NRXN3: variants seen among roughly 807,000 people sequenced by gnomAD.
The protein encoded by NRXN3 is neurexin III.
Under a neutral mutation model 137.6 loss-of-function variants are expected in NRXN3, and 32 were observed. The ratio of observed to expected loss-of-function variants is 0.23; its 90% CI spans 0.18 to 0.31. The LOEUF is 0.31. Among genes scored for constraint, NRXN3 ranks in the 10% least tolerant of loss-of-function variants. NRXN3 has a pLI of 1.00. For synonymous variants in NRXN3, 798 were observed against 784.5 expected (o/e 1.02, Z -0.29); for missense variants, 1,574 against 2,062.5 (o/e 0.76, Z 4.59).
chr14:78,969,823 G>A (rs1273196024), intron 14 of NRXN3, among the ~76,000 whole-genome samples: 2 of 127,538 alleles, frequency 1.6e-5, no homozygotes, highest in Admixed American at 8.3e-5. Context: ...TAGTGTGTGT[G>A]TGTGTGTGTG....
At chr14:79,226,670 G>A (rs7151352) in intron 15 of NRXN3, among the ~76,000 whole-genome samples, 4,201 of 152,070 alleles carry the variant, frequency 0.028, 140 homozygotes, top group South Asian at 0.086. Flanking sequence ...AAAGCCTCAG[G>A]GTAAACAGGC....
intron 4 of NRXN3, among the ~76,000 whole-genome samples, chr14:78,562,453 G>C (rs1209511548): frequency 7.0e-6 from 1 of 143,744 alleles, no homozygotes; most frequent in African/African-American, 2.6e-5. Context: ...TCTGGAAATA[G>C]CCCTTAACTG....
At chr14:79,191,721 G>A (rs2064347764) in intron 15 of NRXN3, among the ~76,000 whole-genome samples, 1 of 152,118 alleles carries the variant, frequency 6.6e-6, no homozygotes, top group Non-Finnish European at 1.5e-5. Context: ...GACTTACTAA[G>A]ACTTGAAGTT....
At chr14:78,496,870 A>G (rs1265497827) in intron 4 of NRXN3, among the ~76,000 whole-genome samples, 2 of 152,078 alleles carry the variant, frequency 1.3e-5, no homozygotes, top group Non-Finnish European at 2.9e-5. Context: ...TGGCCCCTGA[A>G]GGACTCCAAC....
At chr14:79,695,433 G>A (rs565359291) in intron 18 of NRXN3, among the ~76,000 whole-genome samples, 1 of 152,008 alleles carries the variant, frequency 6.6e-6, no homozygotes, top group South Asian at 2.1e-4. Flanking sequence ...TTCGCCAGCA[G>A]TTGTGTGCAT....
chr14:79,164,256 C>T (rs2061081580), intron 15 of NRXN3, among the ~76,000 whole-genome samples: 1 of 151,962 alleles, frequency 6.6e-6, no homozygotes, highest in African/African-American at 2.4e-5. Context: ...TCTGATAAAG[C>T]AGGATCAAGC....
chr14:79,353,546 A>C (rs2079358111), intron 15 of NRXN3, among the ~76,000 whole-genome samples: 2 of 152,136 alleles, frequency 1.3e-5, no homozygotes, highest in Non-Finnish European at 2.9e-5. Context: ...TAAAAACGAA[A>C]AAAATGAAGT....
intron 1 of NRXN3, among the ~76,000 whole-genome samples, chr14:78,176,928 C>T (rs1019524739): frequency 4.0e-5 from 6 of 151,874 alleles, no homozygotes; most frequent in South Asian, 2.1e-4. Context: ...TTTCATGGCT[C>T]GAAGAAGACT....
chr14:79,698,982 T>C (rs1425880349), intron 19 of NRXN3, among the ~76,000 whole-genome samples: 2 of 152,044 alleles, frequency 1.3e-5, no homozygotes, highest in African/African-American at 4.8e-5. Flanking sequence ...GGTAAGTGTA[T>C]TATCTGTTGC....
chr14:79,354,562 G>C (rs2093350647), intron 15 of NRXN3, among the ~76,000 whole-genome samples: 1 of 152,126 alleles, frequency 6.6e-6, no homozygotes, highest in South Asian at 2.1e-4. Flanking sequence ...ATGCCTGTAT[G>C]CATGTACATT....
At chr14:78,188,563 G>A (rs1269824327) in intron 1 of NRXN3, among the ~76,000 whole-genome samples, 1 of 152,232 alleles carries the variant, frequency 6.6e-6, no homozygotes, top group Non-Finnish European at 1.5e-5. Flanking sequence ...TGCAGATCTT[G>A]TAAGTAGGTG....
At chr14:78,481,199 T>C (rs1417919075) in intron 4 of NRXN3, among the ~76,000 whole-genome samples, 5 of 152,024 alleles carry the variant, frequency 3.3e-5, no homozygotes, top group Non-Finnish European at 7.4e-5. Context: ...GGGAGAGAGG[T>C]CTGGACAAAA....
intron 15 of NRXN3, among the ~76,000 whole-genome samples, chr14:79,308,114 TACTC>T (rs1348416108): frequency 6.6e-6 from 1 of 152,148 alleles, no homozygotes; most frequent in Non-Finnish European, 1.5e-5. Flanking sequence ...CATTTTCACT[TACTC>T]ACCTCTTTAA....
At chr14:79,628,812 G>C (rs1432133925) in intron 16 of NRXN3, among the ~76,000 whole-genome samples, 2 of 152,212 alleles carry the variant, frequency 1.3e-5, no homozygotes, top group Admixed American at 1.3e-4. Flanking sequence ...TCAGAAAACT[G>C]TACGACGTGA....
intron 20 of NRXN3, among the ~76,000 whole-genome samples, chr14:79,859,691 C>T (rs1463531066): frequency 6.6e-6 from 1 of 152,124 alleles, no homozygotes; most frequent in Non-Finnish European, 1.5e-5. Flanking sequence ...ACTGATTATA[C>T]TATCACAGCA....
chr14:78,866,794 CTTTTTTTTTT>C (rs1208179961), intron 10 of NRXN3, among the ~76,000 whole-genome samples: 1 of 119,120 alleles, frequency 8.4e-6, no homozygotes, highest in South Asian at 2.9e-4. Context: ...TTACCTTCAT[CTTTTTTTTTT>C]TTTTTTTTTT....
chr14:79,775,597 G>A lies in NRXN3; in HGVS notation c.4015-29515G>A, dbSNP rs1463806978. 4.1e-5 allele frequency among the ~76,000 whole-genome samples: 6 copies of A among 145,804 alleles called. No individual in the cohort carries two copies. In the Admixed American group the frequency reaches 4.1e-4, roughly 10 times the overall value. On this transcript the variant is annotated intron_variant, in intron 19 of 20. Coordinates refer to ENST00000335750, the MANE Select transcript of NRXN3 (RefSeq NM_001330195.2). ...AAGGAGAATCCAGTAGGAATTCATT[G>A]AGTAAGCCAAGGTTACAATCTGCTG...
In NRXN3 at chr14:79,154,581, C is replaced by A. The variant is rs566387520; in HGVS notation, c.3262+166440C>A. 7.2e-5 allele frequency among the ~76,000 whole-genome samples: 11 copies of A among 151,930 alleles called. No individual in the cohort carries two copies. In the East Asian group the frequency reaches 2.1e-3, roughly 30 times the overall value. On this transcript the variant is annotated intron_variant, in intron 15 of 20. Transcript: ENST00000335750. The stretch of plus-strand genomic sequence containing the variant: ...TTCACACATTTATATACCTGCCAGG[C>A]TATTGTAGGTATTTTGATATGTGGC...
intron 15 of NRXN3, among the ~76,000 whole-genome samples, chr14:79,193,000 A>G (rs1158913749): frequency 6.6e-6 from 1 of 151,750 alleles, no homozygotes; most frequent in Non-Finnish European, 1.5e-5. Context: ...CAAACTCCTG[A>G]CCTTGTAATC....
Sources: gnomAD v4.1 joint callset for allele counts (sites outside exome capture counted in the v4.1 genomes callset) on GRCh38, gnomAD v4.1.1 for gene constraint, MANE v1.5 for transcripts, NCBI Gene and HGNC (gene_info 2026-07-23, HGNC 2026-07-21) for gene names.